BBX: variants seen among roughly 807,000 people sequenced by gnomAD.
The protein encoded by BBX is HMG box transcription factor BBX.
In BBX, 30 loss-of-function variants were observed where a neutral mutation model predicts 100.2. The ratio of observed to expected loss-of-function variants is 0.30; its 90% CI spans 0.22 to 0.41. The LOEUF is 0.41. Ranked by LOEUF, BBX falls within the 10% of genes least tolerant of loss-of-function variation. BBX has a pLI of 1.00. For missense variants in BBX, 1,023 were observed against 1,129.8 expected, an observed-to-expected ratio of 0.91 and a Z score of 1.35; for synonymous variants, 376 against 388.1, an observed-to-expected ratio of 0.97 and a Z score of 0.37.
chr3:107,805,548 T>C lies in BBX; in HGVS notation c.*91T>C, dbSNP rs773300644. On this transcript the variant is annotated 3_prime_UTR_variant, in exon 18 of 18. Transcript: ENST00000325805. ...GCTAGTGAGTCCAAGTGGTGGAAAATATAGACTGCAAACAAGTGCTTGTTG... is the reference window on the plus strand; with the variant it reads ...GCTAGTGAGTCCAAGTGGTGGAAAACATAGACTGCAAACAAGTGCTTGTTG... The C allele has an allele frequency of 1.4e-5, 23 of 1,605,922 alleles. No individual in the cohort carries two copies. The East Asian group carries it at 4.9e-4, about 34-fold the overall frequency.
In BBX at chr3:107,745,361, T is replaced by C. The variant is rs116395362; in HGVS notation, c.750+651T>C. On this transcript the variant is annotated intron_variant, in intron 8 of 17. Transcript: ENST00000325805. ...AAACTTTAAGCCACCTGGTCTTTCC[T>C]TGATCATTTGAATTGTCTTTGACTA... Among the ~76,000 whole-genome samples the C allele has an allele frequency of 5.3e-3, 803 of 152,342 alleles. 3 individuals are homozygous for C. The highest frequency in any genetic ancestry group is 8.5e-3 in the Non-Finnish European group (578 of 68,024).
In BBX at chr3:107,799,007, G is replaced by C. The variant is rs192359822; in HGVS notation, c.2551+287G>C. On this transcript the variant is annotated intron_variant, in intron 16 of 17. Transcript: ENST00000325805. ...CTACTAAAAATACAAAAAATTAGCC[G>C]GGCCTGGTGGTGGGTGCCTGTAGTC... 1.4e-3 allele frequency among the ~76,000 whole-genome samples: 214 copies of C among 151,784 alleles called. 1 individual carries two copies. The highest frequency in any genetic ancestry group is 5.1e-3 in the African/African-American group (212 of 41,424).
At chr3:107,685,610 CT>C (rs1457477676) in intron 3 of BBX, among the ~76,000 whole-genome samples, 1 of 152,224 alleles carries the variant, frequency 6.6e-6, no homozygotes, top group Non-Finnish European at 1.5e-5. Flanking sequence ...TTGATTTCCA[CT>C]TTTCTGATTG....
At chr3:107,733,971 G>C (rs992776062) in intron 7 of BBX, among the ~76,000 whole-genome samples, 12 of 152,078 alleles carry the variant, frequency 7.9e-5, no homozygotes, top group African/African-American at 2.9e-4. Flanking sequence ...TAACCTACAG[G>C]TCATGTTATT....
At chr3:107,706,602 C>G (rs1054978021) in intron 3 of BBX, among the ~76,000 whole-genome samples, 17 of 151,996 alleles carry the variant, frequency 1.1e-4, no homozygotes, top group Admixed American at 2.6e-4. Context: ...TTCAATTATT[C>G]TAAAATTGCA....
intron 2 of BBX, among the ~76,000 whole-genome samples, chr3:107,535,033 A>G (rs1443082887): frequency 6.6e-6 from 1 of 152,176 alleles, no homozygotes; most frequent in Non-Finnish European, 1.5e-5. Context: ...GATGATAAAT[A>G]CTCGATTTTA....
At chr3:107,678,887 T>C (rs1055388447) in intron 3 of BBX, among the ~76,000 whole-genome samples, 23 of 152,274 alleles carry the variant, frequency 1.5e-4, no homozygotes, top group African/African-American at 4.8e-4. Context: ...GGCTTAATCC[T>C]CACAATGAAA....
At chr3:107,581,221 A>G (rs1420691228) in intron 2 of BBX, among the ~76,000 whole-genome samples, 1 of 152,104 alleles carries the variant, frequency 6.6e-6, no homozygotes, top group African/African-American at 2.4e-5. Context: ...ACATCTGTAA[A>G]ATAGTTACAT....
chr3:107,555,821 A>G (rs1265735064), intron 2 of BBX, among the ~76,000 whole-genome samples: 1 of 152,228 alleles, frequency 6.6e-6, no homozygotes, highest in Non-Finnish European at 1.5e-5. Context: ...TTAGAGTCCT[A>G]AAAATTTCTG....
chr3:107,556,617 G>A (rs777392204), intron 2 of BBX, among the ~76,000 whole-genome samples: 13 of 152,248 alleles, frequency 8.5e-5, no homozygotes, highest in South Asian at 2.1e-4. Context: ...TAGGAAATGC[G>A]TGTTAAGGCA....
intron 2 of BBX, among the ~76,000 whole-genome samples, chr3:107,607,730 C>T (rs2054558563): frequency 6.6e-6 from 1 of 152,082 alleles, no homozygotes; most frequent in Admixed American, 6.5e-5. Flanking sequence ...TTGCTGTTGC[C>T]TGTCTTGGAT....
chr3:107,774,667 TC>T lies in BBX; in HGVS notation c.1916-48del, dbSNP rs2067181723. On this transcript the variant is annotated intron_variant, in intron 11 of 17. Transcript: ENST00000325805. Reference sequence around the variant, plus strand: ...TGCTCGTGAAGCAACTAACATCATCTCCCCTCGCCCACCTGTATACCAAACA... The same window carrying T: ...TGCTCGTGAAGCAACTAACATCATCTCCCTCGCCCACCTGTATACCAAACA... 1.9e-6 allele frequency: 3 copies of T among 1,572,474 alleles called. No individual in the cohort carries two copies. In the South Asian group the frequency reaches 3.6e-5, roughly 19 times the overall value.
At chr3:107,634,140 C>T (rs566543074) in intron 2 of BBX, among the ~76,000 whole-genome samples, 1 of 152,274 alleles carries the variant, frequency 6.6e-6, no homozygotes, top group Non-Finnish European at 1.5e-5. Context: ...ATAGGTGATA[C>T]CTTTCAGTTA....
At chr3:107,569,193 A>G (rs147606916) in intron 2 of BBX, among the ~76,000 whole-genome samples, 79 of 152,350 alleles carry the variant, frequency 5.2e-4, no homozygotes, top group African/African-American at 1.8e-3. Context: ...TTAAGAATAT[A>G]TCCTTGATAG....
chr3:107,621,311 G>A (rs552732088), intron 2 of BBX, among the ~76,000 whole-genome samples: 27 of 152,226 alleles, frequency 1.8e-4, no homozygotes, highest in Admixed American at 4.6e-4. Flanking sequence ...TCCAGGAAAC[G>A]TACCACTGTG....
chr3:107,558,808 A>G (rs777275523), intron 2 of BBX, among the ~76,000 whole-genome samples: 25 of 152,224 alleles, frequency 1.6e-4, no homozygotes, highest in Admixed American at 1.3e-4. Flanking sequence ...CTTTCTAACC[A>G]TTAGCTATAC....
intron 9 of BBX, among the ~76,000 whole-genome samples, chr3:107,754,157 A>G (rs890607625): frequency 6.6e-6 from 1 of 152,180 alleles, no homozygotes; most frequent in Non-Finnish European, 1.5e-5. Flanking sequence ...TGTGGCACAA[A>G]GGCCATATTC....
intron 2 of BBX, among the ~76,000 whole-genome samples, chr3:107,547,389 T>C (rs2049316938): frequency 6.6e-6 from 1 of 152,128 alleles, no homozygotes; most frequent in Non-Finnish European, 1.5e-5. Flanking sequence ...GTGCCCTCCA[T>C]GACTTCACAG....
At chr3:107,706,058 C>G (rs1306907924) in intron 3 of BBX, among the ~76,000 whole-genome samples, 1 of 136,294 alleles carries the variant, frequency 7.3e-6, no homozygotes, top group South Asian at 2.4e-4. Context: ...GAGTCTCACT[C>G]TGTAGCCAGA....
Sources: allele counts gnomAD v4.1 joint callset (sites outside exome capture counted in the v4.1 genomes callset), GRCh38; gene constraint gnomAD v4.1.1; transcripts MANE v1.5; gene names NCBI Gene and HGNC (gene_info 2026-07-23, HGNC 2026-07-21).